The following KALRN variants were observed in gnomAD, a reference collection of about 807,000 sequenced individuals.
KALRN encodes kalirin.
In KALRN, 70 loss-of-function variants were observed where a neutral mutation model predicts 353.7. That is an observed-to-expected ratio of 0.20 (90% CI 0.16 to 0.24). KALRN has a LOEUF of 0.24. Ranked by LOEUF, KALRN falls within the 10% of genes least tolerant of loss-of-function variation. The pLI, the probability that KALRN is intolerant of heterozygous loss-of-function variation, is 1.00. For synonymous variants in KALRN, 1,391 were observed against 1,434.8 expected, an observed-to-expected ratio of 0.97 and a Z score of 0.69; for missense variants, 2,791 against 3,756.7, an observed-to-expected ratio of 0.74 and a Z score of 6.72.
chr3:124,462,040 C>A, intron 24 of KALRN, 84 bp downstream of exon 24: 2 of 968,880 alleles, frequency 2.1e-6, no homozygotes, highest in Non-Finnish European at 3.3e-6. Flanking sequence ...GAATTTGGTG[C>A]TATTGGTCTT....
At chr3:124,232,324 G>A (rs1300555414) in intron 2 of KALRN, among the ~76,000 whole-genome samples, 3 of 152,186 alleles carry the variant, frequency 2.0e-5, no homozygotes, top group Non-Finnish European at 2.9e-5. Flanking sequence ...AAGTTCTCCA[G>A]TGATGGTTTC....
chr3:124,208,712 C>T (rs1338662408), intron 1 of KALRN, among the ~76,000 whole-genome samples: 1 of 152,124 alleles, frequency 6.6e-6, no homozygotes, highest in Non-Finnish European at 1.5e-5. Flanking sequence ...TGCATGTAAT[C>T]TAAGCACTTT....
chr3:124,227,683 T>G (rs1214833934), intron 1 of KALRN, among the ~76,000 whole-genome samples: 10 of 114,912 alleles, frequency 8.7e-5, no homozygotes, highest in East Asian at 8.7e-4. Flanking sequence ...TTTTTTTTTT[T>G]TTTTTTTTTT....
intron 7 of KALRN, among the ~76,000 whole-genome samples, chr3:124,327,683 C>T (rs142665581): frequency 7.4e-4 from 113 of 152,334 alleles, no homozygotes; most frequent in Non-Finnish European, 1.2e-3. Flanking sequence ...AGGCTATCAC[C>T]TCAGGTGTGT....
At chr3:124,708,348 A>G (rs2062736856) in intron 57 of KALRN, among the ~76,000 whole-genome samples, 1 of 152,248 alleles carries the variant, frequency 6.6e-6, no homozygotes, top group African/African-American at 2.4e-5. Flanking sequence ...CAAAGACTTT[A>G]AAGTAGCAAT....
Position 124,307,516 on chromosome 3 carries a change from G to C in KALRN, c.1092+8603G>C, listed in dbSNP as rs2062854457. Among the ~76,000 whole-genome samples, 3 of 151,834 alleles carry C rather than the reference G, an allele frequency of 2.0e-5. No homozygotes were observed. The South Asian group carries it at 6.2e-4, about 31-fold the overall frequency. ...GAGGAAAGGGAATAAAGCTCTATAG[G>C]AGTAATATTTTTATGTCTCACTGGA... On this transcript the variant is annotated intron_variant, in intron 6 of 59. Coordinates refer to ENST00000682506, the MANE Select transcript of KALRN (RefSeq NM_001388419.1).
intron 33 of KALRN, among the ~76,000 whole-genome samples, chr3:124,501,087 T>A (rs2064471087): frequency 6.6e-6 from 1 of 152,208 alleles, no homozygotes; most frequent in Non-Finnish European, 1.5e-5. Context: ...AAATGCTTAT[T>A]GAATGGAACA....
In KALRN at chr3:124,124,302, A is replaced by G. The variant is rs572549450; in HGVS notation, c.73+90489A>G. On this transcript the variant is annotated intron_variant, in intron 1 of 59. Coordinates refer to ENST00000682506, the MANE Select transcript of KALRN (RefSeq NM_001388419.1). ...AAGTAACCACAGATGTGGAAGACAT[A>G]GCAAGAAAACTAGAATTAGAAGTAG... Among the ~76,000 whole-genome samples the G allele has an allele frequency of 5.3e-4, 81 of 152,360 alleles. 2 individuals carry two copies. The highest frequency in any genetic ancestry group is 6.8e-3 in the Middle Eastern group (2 of 294).
chr3:124,398,978 G>A, intron 13 of KALRN, 107 bp downstream of exon 13: 1 of 1,197,876 alleles, frequency 8.3e-7, no homozygotes. Context: ...AGAGCATCCA[G>A]CATGCATTTT....
At chr3:124,713,312 T>TA (rs1559883856) in intron 58 of KALRN, among the ~76,000 whole-genome samples, 177 bp downstream of exon 58, 1 of 152,166 alleles carries the variant, frequency 6.6e-6, no homozygotes, top group African/African-American at 2.4e-5. Context: ...TTTCAAAGAT[T>TA]AAAAAATCAT....
At chr3:124,484,202 C>T (rs2062296889) in intron 28 of KALRN, among the ~76,000 whole-genome samples, 1 of 152,158 alleles carries the variant, frequency 6.6e-6, no homozygotes, top group South Asian at 2.1e-4. Flanking sequence ...GGAGTGAGTC[C>T]ACCATTCCCA....
intron 37 of KALRN, among the ~76,000 whole-genome samples, chr3:124,643,764 C>T (rs2082374144): frequency 6.6e-6 from 1 of 152,028 alleles, no homozygotes; most frequent in African/African-American, 2.4e-5. Context: ...ACAGCCACAG[C>T]CATATGTTAT....
intron 3 of KALRN, among the ~76,000 whole-genome samples, chr3:124,251,452 C>G (rs1363859525): frequency 4.0e-5 from 6 of 151,460 alleles, no homozygotes; most frequent in African/African-American, 1.5e-4. Flanking sequence ...TTACTGCCAC[C>G]TCCACCTTCT....
At chr3:124,602,957 G>T (rs866315892) in intron 34 of KALRN, among the ~76,000 whole-genome samples, 2 of 130,754 alleles carry the variant, frequency 1.5e-5, no homozygotes, top group African/African-American at 2.8e-5. Flanking sequence ...TTTTGTTGTT[G>T]TTTTGTTTTG....
intron 34 of KALRN, among the ~76,000 whole-genome samples, chr3:124,618,796 G>A (rs769272445): frequency 3.9e-5 from 6 of 152,118 alleles, no homozygotes; most frequent in African/African-American, 7.2e-5. Flanking sequence ...CTCCAGCCTC[G>A]GAAATTGGTA....
chr3:124,224,567 C>T (rs1164449961), intron 1 of KALRN, among the ~76,000 whole-genome samples: 1 of 152,088 alleles, frequency 6.6e-6, no homozygotes, highest in African/African-American at 2.4e-5. Context: ...TGGAAGCTTG[C>T]CTTCTTCAAG....
intron 1 of KALRN, among the ~76,000 whole-genome samples, chr3:124,225,989 A>G (rs1262911537): frequency 6.6e-6 from 1 of 152,196 alleles, no homozygotes; most frequent in African/African-American, 2.4e-5. Context: ...ATTTTTTTCT[A>G]TAGAAATTAG....
chr3:124,366,858 A>C (rs75243263), intron 10 of KALRN, among the ~76,000 whole-genome samples: 48,764 of 128,944 alleles, frequency 0.38, 9,564 homozygotes, highest in East Asian at 0.73. Flanking sequence ...TCCCTCCCGG[A>C]CGGGGCGGCT....
chr3:124,579,391 A>G (rs920850920), intron 34 of KALRN, among the ~76,000 whole-genome samples: 3 of 152,264 alleles, frequency 2.0e-5, no homozygotes, highest in African/African-American at 7.2e-5. Context: ...ACTGAAGACA[A>G]AGTCTGCCAA....
Sources: allele counts gnomAD v4.1 joint callset (sites outside exome capture counted in the v4.1 genomes callset), GRCh38; gene constraint gnomAD v4.1.1; transcripts MANE v1.5; gene names NCBI Gene and HGNC (gene_info 2026-07-23, HGNC 2026-07-21).